Variants in SUSD1 observed in about 807,000 individuals in gnomAD.
The protein encoded by SUSD1 is sushi domain-containing protein 1.
Under a neutral mutation model 86.9 loss-of-function variants are expected in SUSD1, and 65 were observed. That is an observed-to-expected ratio of 0.75 (90% confidence interval 0.61 to 0.92). The LOEUF (loss-of-function observed/expected upper bound fraction) is 0.92. SUSD1 is among the 40% of genes least tolerant of loss of function. The probability of loss-of-function intolerance (pLI) is 0.00; values close to 1 mark genes in which losing one functional copy is unlikely to be tolerated. For synonymous variants in SUSD1, 346 were observed against 350.0 expected, an observed-to-expected ratio of 0.99 and a Z score of 0.13; for missense variants, 850 against 929.7, an observed-to-expected ratio of 0.91 and a Z score of 1.11.
chr9:112,044,854 T>C (rs1316702847), intron 15 of SUSD1, among the ~76,000 whole-genome samples: 1 of 152,162 alleles, frequency 6.6e-6, no homozygotes, highest in East Asian at 1.9e-4. Flanking sequence ...ATAAGCAAGA[T>C]TAAAAGGCAA....
Position 112,056,736 on chromosome 9 carries a change from G to GTA in SUSD1, c.2109+1691_2109+1692insTA, listed in dbSNP as rs1554752461. 6.2e-3 allele frequency among the ~76,000 whole-genome samples: 938 copies of GTA among 152,006 alleles called. 10 individuals are homozygous for GTA. Among genetic ancestry groups the GTA allele is most frequent in the Middle Eastern group, 0.024 (7 of 294 alleles). On this transcript the variant is annotated intron_variant, in intron 14 of 16. Transcript: ENST00000374270. ...TGTGTGTGTGTGTGTGTGTGTGTGT[G>GTA]AGACAGGGTCTCACTCTGTTGCCCA...
At chr9:112,063,162 T>C (rs1828810532) in intron 12 of SUSD1, 129 bp from the exon 13 acceptor site, 4 of 517,208 alleles carry the variant, frequency 7.7e-6, no homozygotes, top group Non-Finnish European at 1.4e-5. Flanking sequence ...ATTCTGTACA[T>C]GCCACAATGT....
intron 3 of SUSD1, among the ~76,000 whole-genome samples, chr9:112,145,278 CTTTTTTTTTTT>C (rs1262953487): frequency 9.3e-6 from 1 of 107,452 alleles, no homozygotes; most frequent in Non-Finnish European, 2.0e-5. Flanking sequence ...CCATAATTTC[CTTTTTTTTTTT>C]TTTTTTTTGA....
At chr9:112,149,783 C>T (rs545849388) in intron 2 of SUSD1, among the ~76,000 whole-genome samples, 81 of 152,176 alleles carry the variant, frequency 5.3e-4, no homozygotes, top group Non-Finnish European at 1.0e-3. Context: ...CCATGAAAGC[C>T]AGGGTAGGGT....
intron 3 of SUSD1, among the ~76,000 whole-genome samples, chr9:112,147,533 G>A (rs1251269017): frequency 6.6e-6 from 1 of 150,942 alleles, no homozygotes. Context: ...CACTTTGGGA[G>A]GCCAAGGCAG....
At chr9:112,165,778 C>T (rs1313415291) in intron 1 of SUSD1, among the ~76,000 whole-genome samples, 1 of 126,696 alleles carries the variant, frequency 7.9e-6, no homozygotes, top group Non-Finnish European at 1.7e-5. Context: ...GAGATACACA[C>T]ATCAAAAAGA....
intron 2 of SUSD1, among the ~76,000 whole-genome samples, chr9:112,154,336 A>C (rs1833198291): frequency 1.4e-5 from 1 of 73,692 alleles, no homozygotes; most frequent in Non-Finnish European, 2.8e-5. Context: ...ACACACACAC[A>C]AAAAAAAAAA....
At chr9:112,075,671 G>C in intron 12 of SUSD1, among the ~76,000 whole-genome samples, 1 of 152,196 alleles carries the variant, frequency 6.6e-6, no homozygotes, top group Non-Finnish European at 1.5e-5. Context: ...CTACAGCCCA[G>C]GGGCTCAAGG....
intron 10 of SUSD1, among the ~76,000 whole-genome samples, chr9:112,082,295 C>A (rs1007939150): frequency 7.2e-5 from 11 of 152,040 alleles, no homozygotes; most frequent in Non-Finnish European, 1.2e-4. Flanking sequence ...AAATAATGAC[C>A]CCCACCCGCC....
At chr9:112,137,833 C>T (rs181087137) in intron 5 of SUSD1, 14 of 152,082 alleles carry the variant, frequency 9.2e-5, no homozygotes, top group South Asian at 8.3e-4. Flanking sequence ...AAAATTGGAA[C>T]GATACAGAGA....
intron 2 of SUSD1, among the ~76,000 whole-genome samples, chr9:112,153,452 T>C (rs1421037645): frequency 6.6e-6 from 1 of 152,132 alleles, no homozygotes; most frequent in Non-Finnish European, 1.5e-5. Flanking sequence ...AATGCTTTCT[T>C]CTGCAATACA....
chr9:112,098,689 A>C, intron 9 of SUSD1, 27 bp from the exon 10 acceptor site: 1 of 1,610,460 alleles, frequency 6.2e-7, no homozygotes, highest in Non-Finnish European at 8.5e-7. Context: ...AGAAAGTGTT[A>C]CATTAGATTT....
intron 8 of SUSD1, among the ~76,000 whole-genome samples, chr9:112,103,522 T>C (rs1830711927): frequency 6.6e-6 from 1 of 152,226 alleles, no homozygotes; most frequent in Admixed American, 6.5e-5. Flanking sequence ...GCAGAAGTAC[T>C]GTCTGCACAG....
chr9:112,147,712 T>A (rs1202597306), intron 3 of SUSD1, among the ~76,000 whole-genome samples: 1 of 152,134 alleles, frequency 6.6e-6, no homozygotes, highest in African/African-American at 2.4e-5. Context: ...GAGCCTGCAG[T>A]GAGCCGAGAT....
At chr9:112,088,301 T>C (rs1412956162) in intron 10 of SUSD1, among the ~76,000 whole-genome samples, 1 of 152,184 alleles carries the variant, frequency 6.6e-6, no homozygotes, top group African/African-American at 2.4e-5. Flanking sequence ...ATTGTAGCTC[T>C]AAGACAAAAA....
At chr9:112,084,400 A>G (rs1829889676) in intron 10 of SUSD1, among the ~76,000 whole-genome samples, 1 of 152,184 alleles carries the variant, frequency 6.6e-6, no homozygotes, top group African/African-American at 2.4e-5. Flanking sequence ...GAATAATATA[A>G]AAAAGCAAAA....
chr9:112,052,043 C>A, intron 15 of SUSD1: 1 of 838,696 alleles, frequency 1.2e-6, no homozygotes, highest in Non-Finnish European at 1.6e-6. Flanking sequence ...CGGTAAGCTG[C>A]GGGAGCTTGC....
chr9:112,108,768 G>A (rs1830952447), intron 8 of SUSD1, among the ~76,000 whole-genome samples: 1 of 122,274 alleles, frequency 8.2e-6, no homozygotes, highest in Non-Finnish European at 1.6e-5. Context: ...ACAGAGCTGG[G>A]TGTCTCAAAA....
At chr9:112,042,288 A>AC in intron 15 of SUSD1, 1 of 785,706 alleles carries the variant, frequency 1.3e-6, no homozygotes, top group Non-Finnish European at 2.0e-6. Context: ...ACAATCAATT[A>AC]CATTTGATAG....
Sources: gnomAD v4.1 joint callset for allele counts (sites outside exome capture counted in the v4.1 genomes callset) on GRCh38, gnomAD v4.1.1 for gene constraint, MANE v1.5 for transcripts, NCBI Gene and HGNC (gene_info 2026-07-23, HGNC 2026-07-21) for gene names.